Variants in WT1 observed in about 807,000 individuals in gnomAD.
WT1 encodes the protein Wilms tumor protein.
WT1 carries 8 observed loss-of-function variants against 60.8 expected under a neutral mutation model. The observed-to-expected ratio is 0.13, with a 90% CI of 0.08 to 0.24. The LOEUF (loss-of-function observed/expected upper bound fraction) is 0.24, where lower values mean the gene tolerates loss of function less well. Among genes scored for constraint, WT1 ranks in the 10% least tolerant of loss-of-function variants. WT1 has a pLI of 1.00. For missense variants in WT1, 568 were observed against 711.8 expected (o/e 0.80, Z 2.30); for synonymous variants, 312 against 297.1 (o/e 1.05, Z -0.52).
chr11:32,394,944 C>T (rs995159730), intron 7 of WT1, among the ~76,000 whole-genome samples: 6 of 152,214 alleles, frequency 3.9e-5, no homozygotes, highest in African/African-American at 7.2e-5. Context: ...TTTACTTTCT[C>T]GTTTTCCTTA....
chr11:32,393,605 G>C lies in WT1; in HGVS notation c.1265-850C>G, dbSNP rs185843818. ...TTACCTTTCCAATCTCAAAGCCTGG[G>C]CTATTTCCCTCATGAATCTCTATTC... On this transcript the variant is annotated intron_variant, in intron 7 of 9. Transcript: ENST00000452863. Among the ~76,000 whole-genome samples, 321 of 152,304 alleles carry C rather than the reference G, an allele frequency of 2.1e-3. 1 individual carries two copies. The highest frequency in any genetic ancestry group is 3.1e-3 in the Non-Finnish European group (209 of 68,020).
At chr11:32,416,130 A>G (rs956095742) in intron 5 of WT1, among the ~76,000 whole-genome samples, 1 of 152,224 alleles carries the variant, frequency 6.6e-6, no homozygotes, top group African/African-American at 2.4e-5. Flanking sequence ...TAAATAAAGA[A>G]GAAGCAAGTT....
At chr11:32,401,127 T>C (rs777301396) in intron 5 of WT1, among the ~76,000 whole-genome samples, 3 of 152,144 alleles carry the variant, frequency 2.0e-5, no homozygotes, top group Non-Finnish European at 4.4e-5. Flanking sequence ...GATGAATAGA[T>C]AAATCAAAGA....
chr11:32,418,333 C>A (rs576602027), intron 3 of WT1, among the ~76,000 whole-genome samples: 1 of 151,734 alleles, frequency 6.6e-6, no homozygotes, highest in Non-Finnish European at 1.5e-5. Flanking sequence ...AGTCTTACAC[C>A]GCTATGTAAA....
intron 1 of WT1, among the ~76,000 whole-genome samples, chr11:32,433,493 G>A (rs914182689): frequency 6.6e-6 from 1 of 152,242 alleles, no homozygotes; most frequent in Non-Finnish European, 1.5e-5. Flanking sequence ...GGTACCTCCT[G>A]CAAAAGATAC....
intron 5 of WT1, among the ~76,000 whole-genome samples, chr11:32,404,843 C>T (rs1450991153): frequency 6.6e-6 from 1 of 152,182 alleles, no homozygotes; most frequent in African/African-American, 2.4e-5. Flanking sequence ...TCCCTGTTTT[C>T]TCCCCAGCTT....
chr11:32,434,896 C>T lies in WT1; in HGVS notation c.465G>A (p.Glu155=), dbSNP rs1590409614. Residue 155 remains glutamate, a synonymous_variant, in exon 1 of 10, where the codon GAG becomes GAA. Transcript: ENST00000452863. The stretch of plus-strand genomic sequence containing the variant: ...CGCTCAGGCACTGCTCCTCGTGCGG[C>T]TCCGCGCCGCCCCAGCTCGGCTCCT... 1 of 1,611,628 alleles carries T rather than the reference C, an allele frequency of 6.2e-7. No homozygotes were observed. The highest frequency in any genetic ancestry group is 8.5e-7 in the Non-Finnish European group (1 of 1,179,646).
intron 5 of WT1, among the ~76,000 whole-genome samples, chr11:32,414,335 T>C (rs1029659078): frequency 2.0e-5 from 3 of 152,190 alleles, no homozygotes; most frequent in Non-Finnish European, 2.9e-5. Context: ...TGCAGTGGCC[T>C]GATCTTGGCT....
intron 5 of WT1, among the ~76,000 whole-genome samples, chr11:32,403,162 A>C (rs1490042666): frequency 1.3e-5 from 2 of 152,066 alleles, no homozygotes; most frequent in Non-Finnish European, 1.5e-5. Context: ...GAGGAAAAAA[A>C]AAACAGCCAG....
At chr11:32,401,489 G>A in intron 5 of WT1, among the ~76,000 whole-genome samples, 1 of 137,548 alleles carries the variant, frequency 7.3e-6, no homozygotes, top group African/African-American at 2.8e-5. Context: ...CTATAAATCT[G>A]CTTTTAAAAA....
At chr11:32,410,150 CA>C (rs1852450872) in intron 5 of WT1, among the ~76,000 whole-genome samples, 1 of 152,108 alleles carries the variant, frequency 6.6e-6, no homozygotes, top group African/African-American at 2.4e-5. Flanking sequence ...AGGCTGGTCT[CA>C]AACTCCTGAC....
intron 5 of WT1, among the ~76,000 whole-genome samples, chr11:32,406,592 T>C (rs1009340655): frequency 6.6e-6 from 1 of 151,478 alleles, no homozygotes; most frequent in Non-Finnish European, 1.5e-5. Flanking sequence ...GCTGCTTATG[T>C]GCAACAGAGC....
rs545790313 is a variant in WT1, at chr11:32,427,708, C to T, written c.887+248G>A. 4.0e-4 allele frequency among the ~76,000 whole-genome samples: 61 copies of T among 152,362 alleles called. 1 individual carries two copies. In the South Asian group the frequency reaches 0.012, roughly 29 times the overall value. ...CTTCTAAAAATAATAACTTCTCGAGCGCCGCTCCTTCTTCAGCTCGAAAGA... is the reference window on the plus strand; with the variant it reads ...CTTCTAAAAATAATAACTTCTCGAGTGCCGCTCCTTCTTCAGCTCGAAAGA... On this transcript the variant is annotated intron_variant, in intron 3 of 9. Transcript: ENST00000452863.
In WT1 at chr11:32,427,964, G is replaced by A. The variant is rs1274468551; in HGVS notation, c.879C>T (p.Pro293=). ...GCCCAGCGCCTTCCTACCTGCTGTAGGGCGTCCTCAGCAGCAAAGCCTGGC... is the reference window on the plus strand; with the variant it reads ...GCCCAGCGCCTTCCTACCTGCTGTAAGGCGTCCTCAGCAGCAAAGCCTGGC... The change falls in exon 3 of 10, where the codon CCC becomes CCT. Residue 293 remains proline, a synonymous_variant. Coordinates refer to ENST00000452863, the MANE Select transcript of WT1 (RefSeq NM_024426.6). 1.2e-6 allele frequency: 2 copies of A among 1,610,824 alleles called. No individual in the cohort carries two copies. The highest frequency in any genetic ancestry group is 1.7e-5 in the Admixed American group (1 of 59,922).
chr11:32,395,213 T>C (rs1431498395), intron 7 of WT1, among the ~76,000 whole-genome samples: 4 of 152,214 alleles, frequency 2.6e-5, no homozygotes, highest in African/African-American at 4.8e-5. Context: ...ACAGTGATCC[T>C]ATAATAATGC....
intron 4 of WT1, 136 bp from the exon 5 acceptor site, chr11:32,416,676 G>T: frequency 9.1e-7 from 1 of 1,104,482 alleles, no homozygotes. Flanking sequence ...GCTGAACTAA[G>T]TCCCCAGTCC....
At chr11:32,410,640 C>T (rs898352663) in intron 5 of WT1, among the ~76,000 whole-genome samples, 2 of 151,862 alleles carry the variant, frequency 1.3e-5, no homozygotes, top group Admixed American at 6.6e-5. Context: ...GTTTTGGTCC[C>T]GTCTGAATTT....
At chr11:32,394,745 C>G (rs1033647780) in intron 7 of WT1, among the ~76,000 whole-genome samples, 2 of 152,158 alleles carry the variant, frequency 1.3e-5, no homozygotes, top group Non-Finnish European at 1.5e-5. Flanking sequence ...AAATACCAAC[C>G]TGCCCTCATC....
chr11:32,392,571 A>G, intron 8 of WT1, 95 bp downstream of exon 8: 1 of 1,192,724 alleles, frequency 8.4e-7, no homozygotes, highest in South Asian at 1.2e-5. Flanking sequence ...CACATGGCTG[A>G]CTCTCTCATT....
Sources: gnomAD v4.1 joint callset for allele counts (sites outside exome capture counted in the v4.1 genomes callset) on GRCh38, gnomAD v4.1.1 for gene constraint, MANE v1.5 for transcripts, NCBI Gene and HGNC (gene_info 2026-07-23, HGNC 2026-07-21) for gene names.